The following RNF220 variants were observed in gnomAD, a reference collection of about 807,000 sequenced individuals.
The protein encoded by RNF220 is ring finger protein 220.
Under a neutral mutation model 67.1 loss-of-function variants are expected in RNF220, and 7 were observed. That is an observed-to-expected ratio of 0.10 (90% CI 0.06 to 0.20). The LOEUF (loss-of-function observed/expected upper bound fraction) is 0.20. Ranked by LOEUF, RNF220 falls within the 10% of genes least tolerant of loss-of-function variation. The pLI is 1.00. For missense variants in RNF220, 565 were observed against 740.3 expected, an observed-to-expected ratio of 0.76 and a Z score of 2.75; for synonymous variants, 270 against 283.2, an observed-to-expected ratio of 0.95 and a Z score of 0.47.
intron 2 of RNF220, among the ~76,000 whole-genome samples, chr1:44,464,805 A>G (rs1654118768): frequency 6.6e-6 from 1 of 152,132 alleles, no homozygotes. Flanking sequence ...TTGCTTGCCT[A>G]GATTGCCGCT....
At chr1:44,440,998 G>A (rs541756253) in intron 2 of RNF220, among the ~76,000 whole-genome samples, 13 of 152,236 alleles carry the variant, frequency 8.5e-5, no homozygotes, top group East Asian at 3.9e-4. Flanking sequence ...GCTGGCCTGC[G>A]GAGTCCCATG....
intron 2 of RNF220, among the ~76,000 whole-genome samples, chr1:44,413,249 G>A (rs1049822707): frequency 1.3e-5 from 2 of 152,224 alleles, no homozygotes; most frequent in South Asian, 4.2e-4. Context: ...CAAAGGTGTC[G>A]TCAATCACCA....
At chr1:44,422,066 C>T (rs897567503) in intron 2 of RNF220, among the ~76,000 whole-genome samples, 1 of 152,338 alleles carries the variant, frequency 6.6e-6, no homozygotes, top group Middle Eastern at 3.4e-3. Flanking sequence ...TCTCCTCCCT[C>T]TCTGTCCTCA....
At chr1:44,498,052 C>A (rs1657503395) in intron 2 of RNF220, among the ~76,000 whole-genome samples, 1 of 152,114 alleles carries the variant, frequency 6.6e-6, no homozygotes, top group African/African-American at 2.4e-5. Flanking sequence ...ATGGCCTGGC[C>A]CCGACCGAGC....
chr1:44,517,668 C>A (rs1377878994), intron 2 of RNF220, among the ~76,000 whole-genome samples: 5 of 152,202 alleles, frequency 3.3e-5, no homozygotes, highest in African/African-American at 1.2e-4. Flanking sequence ...CAGGGTCTTG[C>A]TCTGTCATCC....
At chr1:44,642,712 C>A (rs1644522822) in intron 8 of RNF220, among the ~76,000 whole-genome samples, 1 of 152,120 alleles carries the variant, frequency 6.6e-6, no homozygotes, top group South Asian at 2.1e-4. Flanking sequence ...TTTGGGGTAC[C>A]CTGTTTTCTC....
chr1:44,535,685 G>T (rs1478440229), intron 2 of RNF220, among the ~76,000 whole-genome samples: 1 of 152,208 alleles, frequency 6.6e-6, no homozygotes, highest in Non-Finnish European at 1.5e-5. Flanking sequence ...GCACAGCACA[G>T]GCAAAGTGGG....
intron 2 of RNF220, among the ~76,000 whole-genome samples, chr1:44,605,308 A>G (rs9700978): frequency 3.5e-5 from 5 of 144,854 alleles, no homozygotes; most frequent in East Asian, 3.9e-4. Context: ...AAAAAAAAAA[A>G]AAAAGAAAAG....
chr1:44,506,171 A>G (rs1658405314), intron 2 of RNF220, among the ~76,000 whole-genome samples: 1 of 152,248 alleles, frequency 6.6e-6, no homozygotes, highest in Non-Finnish European at 1.5e-5. Context: ...TACATTTCTT[A>G]AAAGGATGTG....
At chr1:44,618,127 C>T (rs1643638706) in intron 3 of RNF220, among the ~76,000 whole-genome samples, 1 of 152,208 alleles carries the variant, frequency 6.6e-6, no homozygotes, top group African/African-American at 2.4e-5. Flanking sequence ...GTTCCACCTC[C>T]TGCCTCCCTT....
chr1:44,495,578 G>A (rs138178318), intron 2 of RNF220, among the ~76,000 whole-genome samples: 47 of 152,294 alleles, frequency 3.1e-4, no homozygotes, highest in African/African-American at 1.0e-3. Context: ...AGGGATTACA[G>A]GTGTGCGCCA....
At chr1:44,454,019 A>G (rs1652933461) in intron 2 of RNF220, among the ~76,000 whole-genome samples, 1 of 152,222 alleles carries the variant, frequency 6.6e-6, no homozygotes. Flanking sequence ...TCCACTTTAC[A>G]CTTGTATGAG....
intron 2 of RNF220, among the ~76,000 whole-genome samples, chr1:44,482,287 G>A (rs750252368): frequency 2.6e-5 from 4 of 152,082 alleles, no homozygotes; most frequent in Non-Finnish European, 4.4e-5. Flanking sequence ...AGAATACACG[G>A]CCTGCAGACC....
At chr1:44,587,869 G>A (rs559798444) in intron 2 of RNF220, among the ~76,000 whole-genome samples, 10 of 152,310 alleles carry the variant, frequency 6.6e-5, no homozygotes, top group South Asian at 6.2e-4. Context: ...TACCAGATGC[G>A]TGCGTGAGAT....
chr1:44,522,952 G>C (rs1660057254), intron 2 of RNF220, among the ~76,000 whole-genome samples: 1 of 152,318 alleles, frequency 6.6e-6, no homozygotes, highest in South Asian at 2.1e-4. Context: ...GAGCTTGGCA[G>C]TCACAACCAA....
chr1:44,422,870 G>A lies in RNF220; in HGVS notation c.625+10148G>A, dbSNP rs562702066. Among the ~76,000 whole-genome samples, 13 of 152,302 alleles carry A rather than the reference G, an allele frequency of 8.5e-5. No individual in the cohort carries two copies. In the South Asian group the frequency reaches 2.7e-3, roughly 32 times the overall value. ...TCTTAGCTGTTTGTTGGTGGCAGTG[G>A]ATAAAACTGTCGCAGAGTATGTGAG... On this transcript the variant is annotated intron_variant, in intron 2 of 14. Coordinates refer to ENST00000361799, the MANE Select transcript of RNF220 (RefSeq NM_018150.4).
intron 2 of RNF220, among the ~76,000 whole-genome samples, chr1:44,535,342 T>C (rs545673400): frequency 1.1e-3 from 162 of 152,180 alleles, no homozygotes; most frequent in African/African-American, 3.5e-3. Context: ...GGTTTCACCA[T>C]ATTGGCCAGG....
At chr1:44,461,920 C>CTTTTTTTTTTTTTTT (rs1445179984) in intron 2 of RNF220, among the ~76,000 whole-genome samples, 6 of 118,160 alleles carry the variant, frequency 5.1e-5, no homozygotes, top group African/African-American at 2.1e-4. Context: ...TTTCTTTTTT[C>CTTTTTTTTTTTTTTT]TTTGTTTTTT....
intron 2 of RNF220, among the ~76,000 whole-genome samples, chr1:44,429,629 A>G (rs1650146011): frequency 6.6e-6 from 1 of 152,176 alleles, no homozygotes; most frequent in South Asian, 2.1e-4. Flanking sequence ...AGCTGAAAAG[A>G]AGGAGGGAAA....
Sources: allele counts gnomAD v4.1 joint callset (sites outside exome capture counted in the v4.1 genomes callset), GRCh38; gene constraint gnomAD v4.1.1; transcripts MANE v1.5; gene names NCBI Gene and HGNC (gene_info 2026-07-23, HGNC 2026-07-21).